FIGNL2: variants seen among roughly 807,000 people sequenced by gnomAD.
FIGNL2 encodes the protein fidgetin-like protein 2.
For missense variants in FIGNL2, 1,060 were observed against 950.2 expected (o/e 1.12, Z -1.52); for synonymous variants, 565 against 484.0 (o/e 1.17, Z -2.20).
chr12:51,821,923 C>T lies in FIGNL2; in HGVS notation c.491G>A (p.Gly164Glu). 1.3e-6 allele frequency: 2 copies of T among 1,502,298 alleles called. No homozygotes were observed. Among genetic ancestry groups the T allele is most frequent in the South Asian group, 1.3e-5 (1 of 78,962 alleles). 93.1% of individuals were successfully genotyped at this position (1,502,298 alleles called of 1,614,324 possible). A position where few individuals can be genotyped will look rare whatever the true frequency, so the allele number is the denominator to read the frequency against. Residue 164 changes from glycine to glutamate, a missense_variant, in exon 2 of 2, where the codon GGG (glycine) becomes GAG (glutamate). By Grantham distance (98) the Gly-to-Glu change is moderately conservative. Transcript: ENST00000618634. ...AAPEYAAGYG[G>E]GYLAPGYCAQ... ...GCAGTAACCCGGCGCCAGGTACCCC[C>T]CGCCGTAGCCGGCCGCGTACTCGGG...
intron 1 of FIGNL2, among the ~76,000 whole-genome samples, chr12:51,826,201 C>T (rs1210584259): frequency 6.6e-6 from 1 of 152,072 alleles, no homozygotes; most frequent in African/African-American, 2.4e-5. Context: ...TTGATTAATT[C>T]TCATCTTCAA....
rs912138485 is a variant in FIGNL2 at position 51,818,345 on chromosome 12, C to G, written c.*2107G>C. 1.3e-5 allele frequency: 2 copies of G among 152,298 alleles called. No homozygotes were observed. The highest frequency in any genetic ancestry group is 4.8e-5 in the African/African-American group (2 of 41,436). The allele number at this position is 152,298 out of a possible 1,614,324, so 9.4% of individuals were successfully genotyped here. On this transcript the variant is annotated 3_prime_UTR_variant, in exon 2 of 2. Coordinates refer to ENST00000618634, the MANE Select transcript of FIGNL2 (RefSeq NM_001384995.1). ...TGCCTCTTGAAGGGAAGGCTGGGAT[C>G]CCACCCCAACTTCCCTGACACCCTC...
chr12:51,846,332 TGAA>T (rs1435738867), intron 1 of FIGNL2, among the ~76,000 whole-genome samples: 1 of 152,046 alleles, frequency 6.6e-6, no homozygotes, highest in Non-Finnish European at 1.5e-5. Flanking sequence ...AGTTGGGCCC[TGAA>T]GAATAAGGAG....
chr12:51,822,024 C>A lies in FIGNL2; in HGVS notation c.390G>T (p.Gly130=). The part of the protein sequence containing the change: ...SGGGGGSGAL[G]GSPVLAGNLP... ...GGTTCCCGGCTAAAACTGGGGAGCC[C>A]CCCAGGGCCCCGGAACCGCCGCCAC... is the stretch of plus-strand genomic sequence containing the variant. The change falls in exon 2 of 2, where the codon GGG becomes GGT. Residue 130 remains glycine (G), a synonymous_variant. Transcript: ENST00000618634. 6.2e-7 allele frequency: 1 copy of A among 1,602,792 alleles called. No individual in the cohort carries two copies. The highest frequency in any genetic ancestry group is 1.3e-5 in the African/African-American group (1 of 74,806).
Position 51,838,864 on chromosome 12 carries a change from C to T in FIGNL2, c.-12+9676G>A, listed in dbSNP as rs146254665. Among the ~76,000 whole-genome samples the T allele has an allele frequency of 5.7e-3, 872 of 152,278 alleles. 3 individuals are homozygous for T. The highest frequency in any genetic ancestry group is 0.034 in the Middle Eastern group (10 of 294). On this transcript the variant is annotated intron_variant, in intron 1 of 1. Transcript: ENST00000618634. Reference sequence around the variant, plus strand: ...CATAATCCTGGAGCTGCCTGCGGGGCCCCAGAAGAGCTCTGCCTTGCAGGA... The same window carrying T: ...CATAATCCTGGAGCTGCCTGCGGGGTCCCAGAAGAGCTCTGCCTTGCAGGA...
intron 1 of FIGNL2, among the ~76,000 whole-genome samples, chr12:51,823,792 A>G (rs1173675865): frequency 6.6e-6 from 1 of 152,248 alleles, no homozygotes; most frequent in African/African-American, 2.4e-5. Context: ...TATGGAGCAC[A>G]TTCCAAGTGT....
In FIGNL2 at chr12:51,820,649, C is replaced by G; in HGVS notation, c.1765G>C (p.Gly589Arg). The G allele has an allele frequency of 6.6e-7, 1 of 1,519,176 alleles. No individual in the cohort carries two copies. The highest frequency in any genetic ancestry group is 8.8e-7 in the Non-Finnish European group (1 of 1,140,684). The allele number at this position is 1,519,176 out of a possible 1,614,324, so 94.1% of individuals were successfully genotyped here. The part of the protein sequence containing the change: ...SERELAALVQ[G>R]TQGFSGGELG... The stretch of plus-strand genomic sequence containing the variant: ...TCGCCCCCAGAGAAGCCCTGCGTGC[C>G]CTGCACCAGCGCCGCCAGTTCCCGC... Residue 589 changes from glycine to arginine, a missense_variant, in exon 2 of 2, where the codon GGC becomes CGC. By Grantham distance (125) the Gly-to-Arg change is moderately radical (BLOSUM62 -2). Transcript: ENST00000618634.
At chr12:51,829,418 C>T (rs1462727389) in intron 1 of FIGNL2, among the ~76,000 whole-genome samples, 1 of 152,028 alleles carries the variant, frequency 6.6e-6, no homozygotes, top group East Asian at 1.9e-4. Context: ...CAAGGGGACT[C>T]TGGAAGACTG....
chr12:51,847,100 G>A (rs993201516), intron 1 of FIGNL2: 8 of 985,242 alleles, frequency 8.1e-6, no homozygotes, highest in African/African-American at 7.0e-5. Context: ...CCACAGCACC[G>A]GGCAGCCCGG....
Position 51,820,014 on chromosome 12 carries a change from T to G in FIGNL2, c.*438A>C. The G allele has an allele frequency of 3.4e-5, 6 of 178,568 alleles. No individual in the cohort carries two copies. Among genetic ancestry groups the G allele is most frequent in the Non-Finnish European group, 7.1e-5 (6 of 85,102 alleles). 11.1% of individuals were successfully genotyped at this position (178,568 alleles called of 1,614,324 possible). On this transcript the variant is annotated 3_prime_UTR_variant, in exon 2 of 2. Coordinates refer to ENST00000618634, the MANE Select transcript of FIGNL2 (RefSeq NM_001384995.1). ...GGAGAGAAACAGGGCCAGCATGGGG[T>G]GGGCAGGGGTGTCAGCGACAAAGCA...
In FIGNL2 at chr12:51,821,213, T is replaced by G; in HGVS notation, c.1201A>C (p.Lys401Gln). The change falls in exon 2 of 2, where the codon AAG becomes CAG. Residue 401 changes from lysine to glutamine, a missense_variant. Physicochemically the swap from Lys to Gln is moderately conservative, Grantham distance 53. Transcript: ENST00000618634. ...ACCAGCTCCTCCTCCAGCGCCGCCTTGAGCGCGCCCTGGCCCGCCACATCC... is the reference window on the plus strand; with the variant it reads ...ACCAGCTCCTCCTCCAGCGCCGCCTGGAGCGCGCCCTGGCCCGCCACATCC... ...WADVAGQGALKAALEEELVWP... is the reference protein window; with the variant it reads ...WADVAGQGALQAALEEELVWP... 6.6e-7 allele frequency: 1 copy of G among 1,520,250 alleles called. No homozygotes were observed. The highest frequency in any genetic ancestry group is 2.6e-5 in the East Asian group (1 of 38,504). The allele number at this position is 1,520,250 out of a possible 1,614,324, so 94.2% of individuals were successfully genotyped here. A position where few individuals can be genotyped will look rare whatever the true frequency, so the allele number is the denominator to read the frequency against.
chr12:51,818,356 T>G lies in FIGNL2; in HGVS notation c.*2096A>C. The stretch of plus-strand genomic sequence containing the variant: ...GGGAAGGCTGGGATCCCACCCCAAC[T>G]TCCCTGACACCCTCCACCCACCCCC... On this transcript the variant is annotated 3_prime_UTR_variant, in exon 2 of 2. Coordinates refer to ENST00000618634, the MANE Select transcript of FIGNL2 (RefSeq NM_001384995.1). 1 of 151,742 alleles carries G rather than the reference T, an allele frequency of 6.6e-6. No individual in the cohort carries two copies. Among genetic ancestry groups the G allele is most frequent in the Non-Finnish European group, 1.5e-5 (1 of 67,922 alleles). 9.4% of individuals were successfully genotyped at this position (151,742 alleles called of 1,614,324 possible).
rs548750639 is a variant in FIGNL2 at position 51,819,294 on chromosome 12, G to A, written c.*1158C>T. On this transcript the variant is annotated 3_prime_UTR_variant, in exon 2 of 2. Coordinates refer to ENST00000618634, the MANE Select transcript of FIGNL2 (RefSeq NM_001384995.1). ...TAGCCCTTCACAGAAAACACTCAGC[G>A]GAGGGGTTGGGTGGGGCAGGGGGTG... is the stretch of plus-strand genomic sequence containing the variant. The A allele has an allele frequency of 3.9e-5, 6 of 152,416 alleles. No individual in the cohort carries two copies. The highest frequency in any genetic ancestry group is 7.2e-5 in the African/African-American group (3 of 41,452). The allele number at this position is 152,416 out of a possible 1,614,324, so 9.4% of individuals were successfully genotyped here. A position where few individuals can be genotyped will look rare whatever the true frequency, so the allele number is the denominator to read the frequency against.
At chr12:51,848,098 G>A (rs1051324765) in intron 1 of FIGNL2, 5 of 933,742 alleles carry the variant, frequency 5.4e-6, no homozygotes, top group African/African-American at 1.8e-5. Flanking sequence ...CACACACACA[G>A]GGGCCGCTGG....
At chr12:51,839,116 C>T (rs776286498) in intron 1 of FIGNL2, among the ~76,000 whole-genome samples, 3 of 143,146 alleles carry the variant, frequency 2.1e-5, no homozygotes, top group Admixed American at 6.9e-5. Flanking sequence ...GTCTCATACT[C>T]CTGCTTCAAG....
intron 1 of FIGNL2, chr12:51,845,718 G>C: frequency 1.0e-6 from 1 of 968,142 alleles, no homozygotes; most frequent in Non-Finnish European, 1.2e-6. Flanking sequence ...CTGACCGACG[G>C]CAGGGGGAGG....
At position 51,821,156 on chromosome 12, in the gene FIGNL2, C is replaced by T; in HGVS notation, c.1258G>A (p.Gly420Ser). 1.4e-6 allele frequency: 2 copies of T among 1,475,268 alleles called. No individual in the cohort carries two copies. Among genetic ancestry groups the T allele is most frequent in the Non-Finnish European group, 1.8e-6 (2 of 1,124,316 alleles). The allele number at this position is 1,475,268 out of a possible 1,614,324, so 91.4% of individuals were successfully genotyped here. ...WPLLRPPAYP[G>S]SLRPPRTVLL... is the part of the protein sequence containing the mutation. ...ACGGTCCGCGGCGGGCGCAGGCTGCCCGGGTAGGCGGGCGGCCTGAGCAGG... is the reference window on the plus strand; with the variant it reads ...ACGGTCCGCGGCGGGCGCAGGCTGCTCGGGTAGGCGGGCGGCCTGAGCAGG... Residue 420 changes from glycine (G) to serine (S), a missense_variant, in exon 2 of 2, where the codon GGC becomes AGC. Physicochemically the swap from Gly to Ser is moderately conservative, Grantham distance 56 (BLOSUM62 0). Coordinates refer to ENST00000618634, the MANE Select transcript of FIGNL2 (RefSeq NM_001384995.1).
rs1939801422 is a variant in FIGNL2 at position 51,848,573 on chromosome 12, C to T, written c.-45G>A. 1.0e-6 allele frequency: 1 copy of T among 983,604 alleles called. No homozygotes were observed. The highest frequency in any genetic ancestry group is 1.2e-6 in the Non-Finnish European group (1 of 828,672). The allele number at this position is 983,604 out of a possible 1,614,324, so 60.9% of individuals were successfully genotyped here. ...CACGGCCGGGTCCTAGGTGAGTGTG[C>T]GCGGCCTGGGGGCGCGTCCGGCCCG... On this transcript the variant is annotated 5_prime_UTR_variant, in exon 1 of 2. Coordinates refer to ENST00000618634, the MANE Select transcript of FIGNL2 (RefSeq NM_001384995.1).
In FIGNL2 at chr12:51,845,013, G is replaced by T. The variant is rs1201993692; in HGVS notation, c.-12+3527C>A. 2.5e-5 allele frequency: 8 copies of T among 316,698 alleles called. No homozygotes were observed. The South Asian group carries it at 9.9e-4, about 39-fold the overall frequency. The allele number at this position is 316,698 out of a possible 1,614,324, so 19.6% of individuals were successfully genotyped here. A position where few individuals can be genotyped will look rare whatever the true frequency, so the allele number is the denominator to read the frequency against. ...CTGGGGTGAGGGTTTCTTGACATAA[G>T]GTCCCCATGGGCTTCAGGGGATCCA... On this transcript the variant is annotated intron_variant, in intron 1 of 1. Transcript: ENST00000618634.
Sources: gnomAD v4.1 joint callset for allele counts (sites outside exome capture counted in the v4.1 genomes callset) on GRCh38, gnomAD v4.1.1 for gene constraint, MANE v1.5 for transcripts, NCBI Gene and HGNC (gene_info 2026-07-23, HGNC 2026-07-21) for gene names.